The following IKBKB variants were observed in gnomAD, a reference collection of about 807,000 sequenced individuals.
The protein encoded by IKBKB is inhibitor of nuclear factor kappa B kinase subunit beta.
In IKBKB, 42 loss-of-function variants were observed where a neutral mutation model predicts 113.6. The ratio of observed to expected loss-of-function variants is 0.37; its 90% CI spans 0.29 to 0.48. IKBKB has a LOEUF of 0.48. Ranked by LOEUF, IKBKB falls within the 20% of genes least tolerant of loss-of-function variation. IKBKB has a pLI of 0.99. For missense variants in IKBKB, 673 were observed against 939.7 expected, an observed-to-expected ratio of 0.72 and a Z score of 3.71; for synonymous variants, 296 against 361.3, an observed-to-expected ratio of 0.82 and a Z score of 2.05.
intron 4 of IKBKB, 45 bp from the exon 5 acceptor site, chr8:42,293,398 G>T (rs1220122886): frequency 6.2e-7 from 1 of 1,609,072 alleles, no homozygotes; most frequent in Non-Finnish European, 8.5e-7. Context: ...ATTTCCGGTG[G>T]TTTGTGACCA....
intron 2 of IKBKB, among the ~76,000 whole-genome samples, chr8:42,272,920 A>G (rs1340282823): frequency 2.7e-5 from 4 of 146,144 alleles, no homozygotes; most frequent in Non-Finnish European, 5.9e-5. Context: ...AGCCTGGGTA[A>G]CAGAGTGAGA....
chr8:42,326,720 C>T (rs1820810967), intron 20 of IKBKB, among the ~76,000 whole-genome samples: 1 of 152,220 alleles, frequency 6.6e-6, no homozygotes, highest in Admixed American at 6.5e-5. Flanking sequence ...TCTGGGCCAG[C>T]AGTGCATCAT....
rs190406122 is a variant in IKBKB at position 42,309,364 on chromosome 8, T to C, written c.692+339T>C. On this transcript the variant is annotated intron_variant, in intron 8 of 21. Coordinates refer to ENST00000520810, the MANE Select transcript of IKBKB (RefSeq NM_001556.3). ...AGAATGCTGTGTGTTAGTAAACAAA[T>C]AAAACACGTGTACACATGACAAGTC... is the stretch of plus-strand genomic sequence containing the variant. 4.2e-3 allele frequency: 1,571 copies of C among 371,340 alleles called. 8 individuals are homozygous for C. Among genetic ancestry groups the C allele is most frequent in the Middle Eastern group, 9.6e-3 (27 of 2,800 alleles). The allele number at this position is 371,340 out of a possible 1,614,324, so 23.0% of individuals were successfully genotyped here. A position where few individuals can be genotyped will look rare whatever the true frequency, so the allele number is the denominator to read the frequency against.
chr8:42,281,563 G>A (rs534806357), intron 2 of IKBKB, among the ~76,000 whole-genome samples: 1 of 152,300 alleles, frequency 6.6e-6, no homozygotes, highest in Admixed American at 6.5e-5. Flanking sequence ...GGAGTAGGGT[G>A]AAGAAGTCAT....
chr8:42,276,355 A>G (rs540461227), intron 2 of IKBKB, among the ~76,000 whole-genome samples: 7 of 152,288 alleles, frequency 4.6e-5, no homozygotes, highest in African/African-American at 1.4e-4. Context: ...GATATTGAAC[A>G]TTTTATCATA....
intron 3 of IKBKB, 137 bp downstream of exon 3, chr8:42,288,865 C>CTT: frequency 1.8e-6 from 1 of 569,748 alleles, no homozygotes; most frequent in Non-Finnish European, 3.1e-6. Context: ...GGGCAGATCA[C>CTT]GAGGTCAGGA....
At chr8:42,288,770 A>G in intron 3 of IKBKB, 42 bp downstream of exon 3, 1 of 1,485,692 alleles carries the variant, frequency 6.7e-7, no homozygotes, top group Non-Finnish European at 9.3e-7. Flanking sequence ...AAGCTGGAGC[A>G]GCAGCCCCCG....
At chr8:42,294,091 G>A (rs1813220105) in intron 5 of IKBKB, among the ~76,000 whole-genome samples, 1 of 152,230 alleles carries the variant, frequency 6.6e-6, no homozygotes, top group South Asian at 2.1e-4. Context: ...AGGGCTGGGC[G>A]CTAAAGGTCA....
At chr8:42,312,921 A>C (rs1366996773) in intron 8 of IKBKB, among the ~76,000 whole-genome samples, 1 of 152,256 alleles carries the variant, frequency 6.6e-6, no homozygotes, top group African/African-American at 2.4e-5. Flanking sequence ...AATAGAAAGA[A>C]CACCAGACAT....
At chr8:42,283,533 A>G (rs568822598) in intron 2 of IKBKB, among the ~76,000 whole-genome samples, 1 of 152,332 alleles carries the variant, frequency 6.6e-6, no homozygotes, top group East Asian at 1.9e-4. Context: ...AGATGGCGGG[A>G]CATGGCTGAC....
In IKBKB at chr8:42,320,648, G is replaced by A. The variant is rs571850372; in HGVS notation, c.1579-87G>A. On this transcript the variant is annotated intron_variant, in intron 15 of 21. Coordinates refer to ENST00000520810, the MANE Select transcript of IKBKB (RefSeq NM_001556.3). ...ATTGAGGGTCCTCAGGGAATGTGGC[G>A]GGTCCCCTGGTCTCGCTCCCCCGCA... is the stretch of plus-strand genomic sequence containing the variant. The A allele has an allele frequency of 6.4e-5, 67 of 1,039,742 alleles. No individual in the cohort carries two copies. The East Asian group carries it at 1.2e-3, about 19-fold the overall frequency. The allele number at this position is 1,039,742 out of a possible 1,614,324, so 64.4% of individuals were successfully genotyped here.
chr8:42,328,211 T>C (rs1355573243), intron 20 of IKBKB, among the ~76,000 whole-genome samples: 1 of 151,498 alleles, frequency 6.6e-6, no homozygotes, highest in African/African-American at 2.4e-5. Flanking sequence ...TCTCCCAAAG[T>C]GCTGGGATTA....
In IKBKB at chr8:42,331,578, T is replaced by G; in HGVS notation, c.*599T>G. 1 of 598,592 alleles carries G rather than the reference T, an allele frequency of 1.7e-6. No individual in the cohort carries two copies. Among genetic ancestry groups the G allele is most frequent in the Non-Finnish European group, 3.0e-6 (1 of 335,984 alleles). 37.1% of individuals were successfully genotyped at this position (598,592 alleles called of 1,614,324 possible). ...CCCATCCTCACTTCCTCTTTTTATT[T>G]CACTGCTGCTAAAATTGTGTTTTTA... On this transcript the variant is annotated 3_prime_UTR_variant, in exon 22 of 22. Coordinates refer to ENST00000520810, the MANE Select transcript of IKBKB (RefSeq NM_001556.3).
chr8:42,276,377 C>G (rs1166946801), intron 2 of IKBKB, among the ~76,000 whole-genome samples: 1 of 152,090 alleles, frequency 6.6e-6, no homozygotes, highest in Admixed American at 6.6e-5. Flanking sequence ...ACTTGTTGGC[C>G]ATCTGTATGT....
chr8:42,301,037 TG>T (rs1358983203), intron 5 of IKBKB, among the ~76,000 whole-genome samples: 3 of 152,110 alleles, frequency 2.0e-5, no homozygotes, highest in Non-Finnish European at 4.4e-5. Context: ...TTTTTTTTTT[TG>T]TAGAGACAGG....
intron 11 of IKBKB, chr8:42,317,236 AC>A (rs1413166562): frequency 1.1e-5 from 5 of 438,268 alleles, no homozygotes; most frequent in African/African-American, 1.0e-4. Context: ...AGGATGCTGC[AC>A]TTTCTTGAGT....
At chr8:42,314,137 TGCTGTAC>T in intron 8 of IKBKB, 178 bp from the exon 9 acceptor site, 1 of 603,110 alleles carries the variant, frequency 1.7e-6, no homozygotes, top group Non-Finnish European at 3.0e-6. Flanking sequence ...TACCGGAGCA[TGCTGTAC>T]AGGTTTGTAG....
chr8:42,322,444 C>G lies in IKBKB; in HGVS notation c.1936C>G (p.Leu646Val), dbSNP rs1819949627. 2 of 1,613,940 alleles carry G rather than the reference C, an allele frequency of 1.2e-6. No individual in the cohort carries two copies. Among genetic ancestry groups the G allele is most frequent in the African/African-American group, 2.7e-5 (2 of 74,892 alleles). ...MNEDEKTVVR[L>V]QEKRQKELWN... ...TGAGGATGAGAAGACTGTTGTCCGG[C>G]TGCAGGAGAAGCGGCAGAAGGAGCT... Residue 646 changes from leucine to valine, a missense_variant, in exon 19 of 22, where the codon CTG (leucine) becomes GTG (valine). Transcript: ENST00000520810.
chr8:42,282,435 G>A (rs776939818), intron 2 of IKBKB, among the ~76,000 whole-genome samples: 6 of 152,084 alleles, frequency 3.9e-5, no homozygotes, highest in African/African-American at 7.2e-5. Context: ...TCAAACCCCC[G>A]GGCTCTAGCG....
Sources: gnomAD v4.1 joint callset for allele counts (sites outside exome capture counted in the v4.1 genomes callset) on GRCh38, gnomAD v4.1.1 for gene constraint, MANE v1.5 for transcripts, NCBI Gene and HGNC (gene_info 2026-07-23, HGNC 2026-07-21) for gene names.